PPP2R5E: variants seen among roughly 807,000 people sequenced by gnomAD.
PPP2R5E encodes serine/threonine-protein phosphatase 2A 56 kDa regulatory subunit epsilon isoform.
A neutral mutation model predicts 65.3 loss-of-function variants in PPP2R5E; 4 were observed. That is an observed-to-expected ratio of 0.06 (90% CI 0.03 to 0.14). The LOEUF is 0.14. Ranked by LOEUF, PPP2R5E falls within the 10% of genes least tolerant of loss-of-function variation. The probability of loss-of-function intolerance (pLI) is 1.00; values close to 1 mark genes in which losing one functional copy is unlikely to be tolerated. For missense variants in PPP2R5E, 274 were observed against 556.1 expected (o/e 0.49, Z 5.10); for synonymous variants, 183 against 187.4 (o/e 0.98, Z 0.19).
chr14:63,408,612 T>C (rs1241710661), intron 5 of PPP2R5E, among the ~76,000 whole-genome samples: 1 of 152,176 alleles, frequency 6.6e-6, no homozygotes, highest in Non-Finnish European at 1.5e-5. Flanking sequence ...ACTCTAAACG[T>C]TTCAAGTTTT....
intron 2 of PPP2R5E, among the ~76,000 whole-genome samples, chr14:63,522,250 A>G (rs1455247753): frequency 6.6e-6 from 1 of 152,034 alleles, no homozygotes; most frequent in Non-Finnish European, 1.5e-5. Flanking sequence ...TCAGTGCTCA[A>G]TGTTGCCCAG....
At chr14:63,416,169 C>A (rs1444339243) in intron 4 of PPP2R5E, among the ~76,000 whole-genome samples, 1 of 152,180 alleles carries the variant, frequency 6.6e-6, no homozygotes. Context: ...AAAACCAGAA[C>A]CTTTAACTGG....
chr14:63,407,702 A>G (rs2139838424), intron 5 of PPP2R5E, among the ~76,000 whole-genome samples: 1 of 152,300 alleles, frequency 6.6e-6, no homozygotes, highest in Non-Finnish European at 1.5e-5. Flanking sequence ...TGTCCCCCAA[A>G]ATTCGTGTGA....
intron 5 of PPP2R5E, among the ~76,000 whole-genome samples, chr14:63,398,702 A>T (rs2139809765): frequency 6.6e-6 from 1 of 152,284 alleles, no homozygotes; most frequent in East Asian, 1.9e-4. Flanking sequence ...AGGCAGAAGA[A>T]TTGCTTGAAC....
chr14:63,419,490 C>T (rs993379413), intron 4 of PPP2R5E, among the ~76,000 whole-genome samples: 1 of 152,176 alleles, frequency 6.6e-6, no homozygotes, highest in East Asian at 1.9e-4. Context: ...GAAAAAGAGA[C>T]TTCTTATACA....
chr14:63,405,091 G>A (rs924741823), intron 5 of PPP2R5E, among the ~76,000 whole-genome samples: 2 of 152,228 alleles, frequency 1.3e-5, no homozygotes, highest in Non-Finnish European at 2.9e-5. Flanking sequence ...GGCTCTGAAT[G>A]CAGGAGTCAG....
At chr14:63,377,144 G>A (rs1884034514) in intron 13 of PPP2R5E, among the ~76,000 whole-genome samples, 1 of 148,326 alleles carries the variant, frequency 6.7e-6, no homozygotes, top group African/African-American at 2.5e-5. Flanking sequence ...GCAAGACTCC[G>A]TCTCCAAAAA....
At chr14:63,421,181 C>T (rs1358142002) in intron 4 of PPP2R5E, among the ~76,000 whole-genome samples, 2 of 151,856 alleles carry the variant, frequency 1.3e-5, no homozygotes, top group Non-Finnish European at 2.9e-5. Flanking sequence ...TTTCTTCCAC[C>T]CCTTCCCCCT....
chr14:63,373,905 A>G lies in PPP2R5E; in HGVS notation c.*2104T>C, dbSNP rs1180474605. 6.6e-6 allele frequency: 1 copy of G among 152,172 alleles called. No homozygotes were observed. The highest frequency in any genetic ancestry group is 2.4e-5 in the African/African-American group (1 of 41,536). The allele number at this position is 152,172 out of a possible 1,614,324, so 9.4% of individuals were successfully genotyped here. A position where few individuals can be genotyped will look rare whatever the true frequency, so the allele number is the denominator to read the frequency against. ...GCTAAAAAGGAGAAGATTTGTTACAAATTTATTTTTTATCACATTGTTCCA... is the reference window on the plus strand; with the variant it reads ...GCTAAAAAGGAGAAGATTTGTTACAGATTTATTTTTTATCACATTGTTCCA... On this transcript the variant is annotated 3_prime_UTR_variant, in exon 14 of 14. Coordinates refer to ENST00000337537, the MANE Select transcript of PPP2R5E (RefSeq NM_006246.5).
intron 13 of PPP2R5E, among the ~76,000 whole-genome samples, chr14:63,376,647 C>T (rs1289986471): frequency 6.6e-6 from 1 of 152,174 alleles, no homozygotes; most frequent in Non-Finnish European, 1.5e-5. Context: ...TTTGGTAAAA[C>T]TTCCCCCAAA....
chr14:63,443,312 T>C (rs1051039902), intron 3 of PPP2R5E, among the ~76,000 whole-genome samples: 2 of 152,184 alleles, frequency 1.3e-5, no homozygotes, highest in African/African-American at 4.8e-5. Context: ...ATTTGAGGTA[T>C]AAGCAGAGAT....
intron 3 of PPP2R5E, among the ~76,000 whole-genome samples, chr14:63,440,783 C>CAAAAAAAAAAAAAAAA (rs763718989): frequency 2.6e-4 from 28 of 108,554 alleles, no homozygotes; most frequent in African/African-American, 5.2e-4. Flanking sequence ...CTAAAAAATA[C>CAAAAAAAAAAAAAAAA]AAAAAAAAAA....
chr14:63,541,200 A>G (rs1893890132), intron 1 of PPP2R5E, among the ~76,000 whole-genome samples: 1 of 152,224 alleles, frequency 6.6e-6, no homozygotes, highest in Non-Finnish European at 1.5e-5. Flanking sequence ...AAAACACATA[A>G]AAGGCATAAT....
intron 2 of PPP2R5E, among the ~76,000 whole-genome samples, chr14:63,469,616 C>A (rs919524213): frequency 6.6e-6 from 1 of 152,186 alleles, no homozygotes; most frequent in Admixed American, 6.5e-5. Context: ...ATGGCGTGAA[C>A]CCGGGAGGCG....
intron 2 of PPP2R5E, among the ~76,000 whole-genome samples, chr14:63,485,277 A>G (rs909883928): frequency 2.0e-5 from 3 of 150,292 alleles, no homozygotes; most frequent in Non-Finnish European, 4.4e-5. Context: ...ATTTTATTTT[A>G]TGTATTTTAG....
At chr14:63,390,093 A>G (rs1039714970) in intron 10 of PPP2R5E, among the ~76,000 whole-genome samples, 2 of 152,062 alleles carry the variant, frequency 1.3e-5, no homozygotes, top group Non-Finnish European at 2.9e-5. Flanking sequence ...TTTAAAAAAA[A>G]CAATGAGAAG....
At chr14:63,489,006 G>A (rs1891150636) in intron 2 of PPP2R5E, among the ~76,000 whole-genome samples, 1 of 152,020 alleles carries the variant, frequency 6.6e-6, no homozygotes, top group African/African-American at 2.4e-5. Context: ...TTTTACAGAT[G>A]AAGAAATGGA....
intron 3 of PPP2R5E, among the ~76,000 whole-genome samples, chr14:63,435,367 G>C (rs139293353): frequency 0.011 from 1,695 of 151,596 alleles, 14 homozygotes; most frequent in Non-Finnish European, 0.017. Flanking sequence ...TTTTGATAAG[G>C]GTGGAGAAAA....
At chr14:63,481,177 C>T (rs1890677891) in intron 2 of PPP2R5E, among the ~76,000 whole-genome samples, 1 of 152,040 alleles carries the variant, frequency 6.6e-6, no homozygotes, top group African/African-American at 2.4e-5. Flanking sequence ...TTTGTCAGTG[C>T]TCTATCACAA....
Sources: allele counts gnomAD v4.1 joint callset (sites outside exome capture counted in the v4.1 genomes callset), GRCh38; gene constraint gnomAD v4.1.1; transcripts MANE v1.5; gene names NCBI Gene and HGNC (gene_info 2026-07-23, HGNC 2026-07-21).